CCDC69: variants seen among roughly 807,000 people sequenced by gnomAD.
CCDC69 encodes the protein coiled-coil domain-containing protein 69.
A neutral mutation model predicts 40.3 loss-of-function variants in CCDC69; 38 were observed. The observed-to-expected ratio is 0.94, with a 90% CI of 0.73 to 1.24. The LOEUF (loss-of-function observed/expected upper bound fraction) is 1.24. CCDC69 is among the 50% of genes most tolerant of loss of function. CCDC69 has a pLI of 0.00. For synonymous variants in CCDC69, 141 were observed against 138.9 expected (o/e 1.02, Z -0.11); for missense variants, 389 against 357.9 (o/e 1.09, Z -0.70).
In CCDC69 at chr5:151,224,033, C is replaced by T. The variant is rs952535047; in HGVS notation, c.-63G>A. The T allele has an allele frequency of 1.4e-6, 2 of 1,422,576 alleles. No homozygotes were observed. The highest frequency in any genetic ancestry group is 1.9e-6 in the Non-Finnish European group (2 of 1,063,464). 88.1% of individuals were successfully genotyped at this position (1,422,576 alleles called of 1,614,324 possible). On this transcript the variant is annotated 5_prime_UTR_variant, in exon 1 of 9. Transcript: ENST00000355417. Reference sequence around the variant, plus strand: ...CGGGGCCCCCAGAGGAGCCTGCGATCCGGGCCCCGCTGCCCGCTCCGCGCC... The same window carrying T: ...CGGGGCCCCCAGAGGAGCCTGCGATTCGGGCCCCGCTGCCCGCTCCGCGCC...
At chr5:151,215,242 G>A (rs1418391435) in intron 1 of CCDC69, among the ~76,000 whole-genome samples, 1 of 152,114 alleles carries the variant, frequency 6.6e-6, no homozygotes, top group Non-Finnish European at 1.5e-5. Context: ...CTGAGCGCCT[G>A]GATACCTGTC....
intron 5 of CCDC69, 32 bp downstream of exon 5, chr5:151,187,351 CTTA>C (rs757094623): frequency 6.3e-7 from 1 of 1,596,512 alleles, no homozygotes; most frequent in South Asian, 1.1e-5. Flanking sequence ...CTCACTTACC[CTTA>C]TCCAAGACTG....
At chr5:151,187,597 C>T (rs1361547562) in intron 4 of CCDC69, 138 bp from the exon 5 acceptor site, 5 of 648,560 alleles carry the variant, frequency 7.7e-6, no homozygotes, top group East Asian at 5.4e-5. Context: ...CTTATTCATC[C>T]TTCTGTCTCC....
chr5:151,195,545 C>T (rs1367403252), intron 4 of CCDC69, among the ~76,000 whole-genome samples: 7 of 151,860 alleles, frequency 4.6e-5, no homozygotes, highest in African/African-American at 1.7e-4. Flanking sequence ...ATGGTGAAAC[C>T]CTGTCTCTAC....
intron 1 of CCDC69, chr5:151,211,019 T>C (rs896022908): frequency 6.6e-6 from 1 of 152,220 alleles, no homozygotes; most frequent in Non-Finnish European, 1.5e-5. Context: ...TGGAATATTA[T>C]CACTTTTTAA....
rs1015846536 is a variant in CCDC69, at chr5:151,181,371, C to A, written c.*2066G>T. 1.3e-5 allele frequency: 2 copies of A among 152,208 alleles called. No individual in the cohort carries two copies. Among genetic ancestry groups the A allele is most frequent in the African/African-American group, 4.8e-5 (2 of 41,432 alleles). 9.4% of individuals were successfully genotyped at this position (152,208 alleles called of 1,614,324 possible). A position where few individuals can be genotyped will look rare whatever the true frequency, so the allele number is the denominator to read the frequency against. ...TGCTGGGACTACAGGCGCCCACCAC[C>A]ACGCCAAGCTAATTTTTTGTATTTT... On this transcript the variant is annotated 3_prime_UTR_variant, in exon 9 of 9. Transcript: ENST00000355417.
At position 151,186,064 on chromosome 5, in the gene CCDC69, C is replaced by T. The variant is rs753753553; in HGVS notation, c.454G>A (p.Glu152Lys). Residue 152 changes from glutamate (E) to lysine (K), a missense_variant, in exon 6 of 9, where the codon GAG (glutamate) becomes AAG (lysine). Glu to Lys is a moderately conservative substitution (Grantham distance 56, BLOSUM62 1). Transcript: ENST00000355417. ...EAFQAKMKRV[E>K]ESILSRNYKK... ...TAGTTTCGGCTCAGAATGGACTCCT[C>T]CACCCTCTTCATTTTGGCCTGGAAA... is the stretch of plus-strand genomic sequence containing the variant. The T allele has an allele frequency of 6.2e-7, 1 of 1,614,048 alleles. No homozygotes were observed. Among genetic ancestry groups the T allele is most frequent in the South Asian group, 1.1e-5 (1 of 91,076 alleles).
chr5:151,205,876 G>A (rs1046345988), intron 1 of CCDC69, among the ~76,000 whole-genome samples: 1 of 152,106 alleles, frequency 6.6e-6, no homozygotes, highest in Non-Finnish European at 1.5e-5. Context: ...CCCCCAATTC[G>A]GAGATGATTT....
intron 4 of CCDC69, among the ~76,000 whole-genome samples, chr5:151,193,041 A>T (rs1361325405): frequency 1.3e-5 from 2 of 152,232 alleles, no homozygotes; most frequent in Non-Finnish European, 2.9e-5. Context: ...GAGATGATTT[A>T]AAATGTATGG....
intron 4 of CCDC69, among the ~76,000 whole-genome samples, chr5:151,190,338 G>A (rs58983644): frequency 0.013 from 1,944 of 152,190 alleles, 42 homozygotes; most frequent in African/African-American, 0.043. Flanking sequence ...CCTACATGAC[G>A]GTAAGCTTTT....
chr5:151,199,426 C>T (rs751537910), intron 3 of CCDC69, among the ~76,000 whole-genome samples: 1 of 152,154 alleles, frequency 6.6e-6, no homozygotes, highest in Non-Finnish European at 1.5e-5. Context: ...CCAACTTCTA[C>T]CATCAGGTCC....
intron 4 of CCDC69, among the ~76,000 whole-genome samples, chr5:151,188,502 T>C (rs1188391294): frequency 1.3e-5 from 2 of 151,566 alleles, no homozygotes; most frequent in Non-Finnish European, 2.9e-5. Flanking sequence ...CTACTCAGGA[T>C]GCTGAGGCAG....
Position 151,181,237 on chromosome 5 carries a change from G to A in CCDC69, c.*2200C>T, listed in dbSNP as rs1766619732. The A allele has an allele frequency of 6.6e-6, 1 of 151,824 alleles. No homozygotes were observed. Among genetic ancestry groups the A allele is most frequent in the Non-Finnish European group, 1.5e-5 (1 of 68,038 alleles). The allele number at this position is 151,824 out of a possible 1,614,324, so 9.4% of individuals were successfully genotyped here. Reference sequence around the variant, plus strand: ...TTCTTTTTTCTTTTCTTTTTTTTGAGACGGAGTCTTGCTCTGTCACCCGGG... The same window carrying A: ...TTCTTTTTTCTTTTCTTTTTTTTGAAACGGAGTCTTGCTCTGTCACCCGGG... On this transcript the variant is annotated 3_prime_UTR_variant, in exon 9 of 9. Transcript: ENST00000355417.
chr5:151,207,440 C>T (rs1280942812), intron 1 of CCDC69, among the ~76,000 whole-genome samples: 9 of 151,548 alleles, frequency 5.9e-5, no homozygotes, highest in Admixed American at 3.3e-4. Context: ...TACAGGCGCC[C>T]GCCACCACGC....
At chr5:151,211,180 C>G (rs538551098) in intron 1 of CCDC69, 6 of 152,242 alleles carry the variant, frequency 3.9e-5, no homozygotes, top group African/African-American at 1.4e-4. Context: ...AGGTCTACCT[C>G]GGGCCCCCAG....
Position 151,199,087 on chromosome 5 carries a change from G to C in CCDC69, c.232-3C>G, listed in dbSNP as rs372078297. ...TCTAGCTCCCTTTCCTTCTCCACCT[G>C]GGGGCAGAGAGTCCCGGGCAGGACT... On this transcript the variant is annotated splice_region_variant and splice_polypyrimidine_tract_variant and intron_variant, in intron 3 of 8. Transcript: ENST00000355417. The C allele has an allele frequency of 1.9e-6, 3 of 1,612,118 alleles. No homozygotes were observed. The African/African-American group carries it at 4.0e-5, about 22-fold the overall frequency.
chr5:151,222,171 A>G (rs1257437823), intron 1 of CCDC69, among the ~76,000 whole-genome samples: 1 of 152,234 alleles, frequency 6.6e-6, no homozygotes, highest in Non-Finnish European at 1.5e-5. Flanking sequence ...GACCTCAGTC[A>G]TGCTCCTTCC....
At chr5:151,203,529 TA>T (rs1561602264) in intron 2 of CCDC69, among the ~76,000 whole-genome samples, 1 of 144,128 alleles carries the variant, frequency 6.9e-6, no homozygotes, top group Non-Finnish European at 1.5e-5. Flanking sequence ...AAAATAAAAA[TA>T]AAAAATAAAT....
chr5:151,212,056 T>C (rs1752960832), intron 1 of CCDC69: 1 of 143,200 alleles, frequency 7.0e-6, no homozygotes, highest in African/African-American at 2.6e-5. Context: ...GAATTTTCCC[T>C]TCCAAAAGAG....
Sources: allele counts gnomAD v4.1 joint callset (sites outside exome capture counted in the v4.1 genomes callset), GRCh38; gene constraint gnomAD v4.1.1; transcripts MANE v1.5; gene names NCBI Gene and HGNC (gene_info 2026-07-23, HGNC 2026-07-21).